The following CEP250 variants were observed in gnomAD, a reference collection of about 807,000 sequenced individuals.
The protein encoded by CEP250 is centrosomal protein 250, also known as centrosome-associated protein CEP250.
A neutral mutation model predicts 315.7 loss-of-function variants in CEP250; 242 were observed. That is an observed-to-expected ratio of 0.77 (90% CI 0.69 to 0.85). The LOEUF (loss-of-function observed/expected upper bound fraction) is 0.85. Ranked by LOEUF, CEP250 falls within the 40% of genes least tolerant of loss-of-function variation. The pLI is 0.00. For missense variants in CEP250, 2,515 were observed against 2,886.4 expected, an observed-to-expected ratio of 0.87 and a Z score of 2.95; for synonymous variants, 1,088 against 1,175.0, an observed-to-expected ratio of 0.93 and a Z score of 1.51.
intron 20 of CEP250, among the ~76,000 whole-genome samples, chr20:35,485,927 G>C (rs1449762947): frequency 6.7e-6 from 1 of 150,244 alleles, no homozygotes; most frequent in Non-Finnish European, 1.5e-5. Flanking sequence ...CTCCCAAAGT[G>C]CTGGGGATTA....
At chr20:35,474,494 G>C (rs1479128460) in intron 14 of CEP250, among the ~76,000 whole-genome samples, 2 of 152,226 alleles carry the variant, frequency 1.3e-5, no homozygotes, top group Non-Finnish European at 2.9e-5. Context: ...GGTTAGCAGA[G>C]AGTGGGAGAA....
intron 27 of CEP250, 107 bp downstream of exon 27, chr20:35,498,823 G>A (rs1212400625): frequency 1.5e-6 from 2 of 1,342,396 alleles, no homozygotes; most frequent in African/African-American, 1.5e-5. Context: ...ATCAAGTTGG[G>A]ATGAGTTTCA....
At position 35,503,250 on chromosome 20, in the gene CEP250, G is replaced by A. The variant is rs1293229299; in HGVS notation, c.4881G>A (p.Glu1627=). 1.2e-6 allele frequency: 2 copies of A among 1,614,122 alleles called. No individual in the cohort carries two copies. The highest frequency in any genetic ancestry group is 1.1e-5 in the South Asian group (1 of 91,090). The change falls in exon 30 of 35, where the codon GAG becomes GAA. Residue 1627 remains glutamate, a synonymous_variant. Transcript: ENST00000397527. The surrounding 1 kb of genome is among the most constrained non-coding windows in gnomAD (Gnocchi z 4.2). ...HSTVLARELQ[E]RDQEVKSQRE... ...CCGTTCTGGCAAGAGAGCTGCAGGA[G>A]AGGGACCAGGAGGTGAAGTCTCAGC...
At chr20:35,461,443 C>T (rs1324393289) in intron 3 of CEP250, among the ~76,000 whole-genome samples, 1 of 152,236 alleles carries the variant, frequency 6.6e-6, no homozygotes, top group African/African-American at 2.4e-5. Flanking sequence ...TGATGAAGGT[C>T]ACCGTTAGGC....
In CEP250 at chr20:35,502,337, G is replaced by T. The variant is rs561654901; in HGVS notation, c.4021-53G>T. The T allele has an allele frequency of 2.6e-5, 38 of 1,447,898 alleles. No homozygotes were observed. In the East Asian group the frequency reaches 8.1e-4, roughly 31 times the overall value. The allele number at this position is 1,447,898 out of a possible 1,614,324, so 89.7% of individuals were successfully genotyped here. A position where few individuals can be genotyped will look rare whatever the true frequency, so the allele number is the denominator to read the frequency against. ...AAGAAAGAGAAGGGTCGGTGTTGGG[G>T]TGACAGTAGCAGGGAAGTGTAGTCT... is the stretch of plus-strand genomic sequence containing the variant. On this transcript the variant is annotated intron_variant, in intron 29 of 34. Transcript: ENST00000397527.
Position 35,504,542 on chromosome 20 carries a change from A to T in CEP250, c.6173A>T (p.Glu2058Val), listed in dbSNP as rs2147174402. The change falls in exon 30 of 35, where the codon GAG becomes GTG. Residue 2058 changes from glutamate (E) to valine (V), a missense_variant. Transcript: ENST00000397527. ...DEELRHQQEREQLLEKSLAQR... is the reference protein window; with the variant it reads ...DEELRHQQERVQLLEKSLAQR... ...GAGCTGAGACATCAGCAGGAACGGG[A>T]GCAGCTGCTGGAGAAGTCTCTGGCC... The T allele has an allele frequency of 6.2e-7, 1 of 1,613,958 alleles. No individual in the cohort carries two copies. Among genetic ancestry groups the T allele is most frequent in the Non-Finnish European group, 8.5e-7 (1 of 1,179,900 alleles).
At chr20:35,464,890 C>T (rs1159590758) in intron 5 of CEP250, among the ~76,000 whole-genome samples, 1 of 152,056 alleles carries the variant, frequency 6.6e-6, no homozygotes, top group African/African-American at 2.4e-5. Context: ...CCACTGCACT[C>T]CAGCCTGGGC....
intron 28 of CEP250, 124 bp from the exon 29 acceptor site, chr20:35,501,721 C>A: frequency 1.8e-6 from 2 of 1,094,094 alleles, no homozygotes; most frequent in Non-Finnish European, 2.5e-6. Flanking sequence ...ATATAATTTT[C>A]TCCTTCTTGG....
At position 35,504,420 on chromosome 20, in the gene CEP250, G is replaced by A. The variant is rs771297563; in HGVS notation, c.6051G>A (p.Glu2017=). Residue 2017 remains glutamate, a synonymous_variant, in exon 30 of 35, where the codon GAG becomes GAA. Coordinates refer to ENST00000397527, the MANE Select transcript of CEP250 (RefSeq NM_007186.6). ...AGGCACACAGTCGGCAGCTGGAGGAGGCTCTGAGGATACAAGAAGGTGAGA... is the reference window on the plus strand; with the variant it reads ...AGGCACACAGTCGGCAGCTGGAGGAAGCTCTGAGGATACAAGAAGGTGAGA... ...ACQAHSRQLE[E]ALRIQEGEIQ... 6.2e-7 allele frequency: 1 copy of A among 1,609,114 alleles called. No individual in the cohort carries two copies. The highest frequency in any genetic ancestry group is 8.5e-7 in the Non-Finnish European group (1 of 1,177,774).
Position 35,493,434 on chromosome 20 carries a change from C to T in CEP250, c.2895C>T (p.Thr965=). Residue 965 remains threonine, a synonymous_variant, in exon 23 of 35, where the codon ACC becomes ACT. Transcript: ENST00000397527. ...MKVQKLKEQE[T]TGILQTQLQE... ...GATTTCTTATCCCTCTTCAGGAGAC[C>T]ACTGGGATACTACAGACCCAGCTCC... The T allele has an allele frequency of 6.3e-7, 1 of 1,594,310 alleles. No individual in the cohort carries two copies. Among genetic ancestry groups the T allele is most frequent in the Non-Finnish European group, 8.5e-7 (1 of 1,171,854 alleles).
At chr20:35,464,747 C>A (rs193013442) in intron 5 of CEP250, among the ~76,000 whole-genome samples, 45 of 147,540 alleles carry the variant, frequency 3.1e-4, no homozygotes, top group Middle Eastern at 3.5e-3. Flanking sequence ...ATGGTGAAAC[C>A]CCATCTCTAC....
In CEP250 at chr20:35,502,431, A is replaced by C; in HGVS notation, c.4062A>C (p.Thr1354=). ...TTCAGGCAGCCAAGGAGAACCTGAC[A>C]GCCCAGGTGGAACACCTGCAAGCAG... The part of the protein sequence containing the change: ...ELLQAAKENL[T]AQVEHLQAAV... The change falls in exon 30 of 35, where the codon ACA becomes ACC. Residue 1354 remains threonine, a synonymous_variant. Transcript: ENST00000397527. The C allele has an allele frequency of 6.2e-7, 1 of 1,613,970 alleles. No individual in the cohort carries two copies. The highest frequency in any genetic ancestry group is 8.5e-7 in the Non-Finnish European group (1 of 1,179,934).
intron 9 of CEP250, among the ~76,000 whole-genome samples, chr20:35,467,972 G>A (rs193296644): frequency 7.3e-6 from 1 of 136,590 alleles, no homozygotes; most frequent in Non-Finnish European, 1.5e-5. Context: ...TTGAGACGGA[G>A]TCTCATTCTA....
chr20:35,480,355 T>C (rs2063312067), intron 20 of CEP250, among the ~76,000 whole-genome samples: 1 of 152,262 alleles, frequency 6.6e-6, no homozygotes, highest in Non-Finnish European at 1.5e-5. Flanking sequence ...GCCATTATTA[T>C]TGTTGTTGTG....
At chr20:35,483,530 T>G (rs1466768201) in intron 20 of CEP250, among the ~76,000 whole-genome samples, 1 of 151,340 alleles carries the variant, frequency 6.6e-6, no homozygotes, top group East Asian at 1.9e-4. Flanking sequence ...TTTTTTAATT[T>G]TAATTTTAAT....
rs2064311977 is a variant in CEP250 at position 35,510,081 on chromosome 20, A to T, written c.7065+27A>T. ...TATGTTCTGGATTTTCTAAGCCCAT[A>T]TTCCCTCCCTTGCACTCAGGCCCTT... On this transcript the variant is annotated intron_variant, in intron 34 of 34. Coordinates refer to ENST00000397527, the MANE Select transcript of CEP250 (RefSeq NM_007186.6). 3 of 1,608,854 alleles carry T rather than the reference A, an allele frequency of 1.9e-6. No homozygotes were observed. The East Asian group carries it at 6.7e-5, about 36-fold the overall frequency.
rs182354623 is a variant in CEP250, at chr20:35,518,277, C to T, written c.*6651C>T. On this transcript the variant is annotated 3_prime_UTR_variant, in exon 35 of 35. Coordinates refer to ENST00000397527, the MANE Select transcript of CEP250 (RefSeq NM_007186.6). ...CTTTGGGGATTCTCGGATCCTGACT[C>T]TGAGCTACCTCATTCCTAGACACCT... 1 of 152,106 alleles carries T rather than the reference C, an allele frequency of 6.6e-6. No individual in the cohort carries two copies. The highest frequency in any genetic ancestry group is 6.6e-5 in the Admixed American group (1 of 15,266). 9.4% of individuals were successfully genotyped at this position (152,106 alleles called of 1,614,324 possible).
chr20:35,494,452 C>A, intron 23 of CEP250, 72 bp from the exon 24 acceptor site: 1 of 1,592,446 alleles, frequency 6.3e-7, no homozygotes, highest in Admixed American at 1.7e-5. Flanking sequence ...GACCCTGAAG[C>A]CCTAGGTGAG....
intron 27 of CEP250, among the ~76,000 whole-genome samples, chr20:35,498,973 A>G (rs933172292): frequency 2.0e-5 from 3 of 152,110 alleles, no homozygotes; most frequent in Non-Finnish European, 4.4e-5. Context: ...TGAGCCCTGT[A>G]AACCAAAAAA....
Sources: allele counts gnomAD v4.1 joint callset (sites outside exome capture counted in the v4.1 genomes callset), GRCh38; gene constraint gnomAD v4.1.1; non-coding constraint Gnocchi (gnomAD v3.1); transcripts MANE v1.5; gene names NCBI Gene and HGNC (gene_info 2026-07-23, HGNC 2026-07-21).